PRKAR1B: variants seen among roughly 807,000 people sequenced by gnomAD.
PRKAR1B encodes the protein cAMP-dependent protein kinase type I-beta regulatory subunit.
A neutral mutation model predicts 46.5 loss-of-function variants in PRKAR1B; 22 were observed. The observed-to-expected ratio is 0.47, with a 90% confidence interval of 0.34 to 0.68. The LOEUF (loss-of-function observed/expected upper bound fraction) is 0.68. Ranked by LOEUF, PRKAR1B falls within the 30% of genes least tolerant of loss-of-function variation. The probability of loss-of-function intolerance (pLI) is 0.01; values close to 1 mark genes in which losing one functional copy is unlikely to be tolerated. For missense variants in PRKAR1B, 445 were observed against 535.6 expected (o/e 0.83, Z 1.67); for synonymous variants, 259 against 217.7 (o/e 1.19, Z -1.67).
chr7:590,224 A>T (rs12720009), intron 7 of PRKAR1B, among the ~76,000 whole-genome samples: 1 of 152,286 alleles, frequency 6.6e-6, no homozygotes, highest in Admixed American at 6.5e-5. Context: ...AAAGGGTGTG[A>T]AACCATAAGG....
At chr7:630,481 C>A (rs1029548420) in intron 4 of PRKAR1B, among the ~76,000 whole-genome samples, 1 of 152,196 alleles carries the variant, frequency 6.6e-6, no homozygotes, top group Non-Finnish European at 1.5e-5. Flanking sequence ...CAGGGGGTGG[C>A]CTATCCCATT....
At chr7:581,183 G>T (rs181891620) in intron 8 of PRKAR1B, among the ~76,000 whole-genome samples, 1 of 151,898 alleles carries the variant, frequency 6.6e-6, no homozygotes, top group Non-Finnish European at 1.5e-5. Flanking sequence ...GGCGCCTGTA[G>T]TCCCAGCTAC....
chr7:633,349 A>G (rs1296265569), intron 4 of PRKAR1B, among the ~76,000 whole-genome samples: 2 of 152,218 alleles, frequency 1.3e-5, no homozygotes, highest in Admixed American at 6.5e-5. Context: ...CCACAGGTGA[A>G]AGGAAGGGGC....
At chr7:571,235 C>T (rs1779494329) in intron 9 of PRKAR1B, among the ~76,000 whole-genome samples, 1 of 152,076 alleles carries the variant, frequency 6.6e-6, no homozygotes, top group Non-Finnish European at 1.5e-5. Flanking sequence ...CCTCGCAGCG[C>T]AGGCCGGGTC....
At chr7:561,186 TGCACACACACC>T (rs1778772843) in intron 9 of PRKAR1B, among the ~76,000 whole-genome samples, 1 of 143,014 alleles carries the variant, frequency 7.0e-6, no homozygotes, top group Non-Finnish European at 1.5e-5. Context: ...CATACACACA[TGCACACACACC>T]CCACACACAT....
rs1214785921 is a variant in PRKAR1B, at chr7:680,685, T to G, written c.219A>C (p.Ser73=). 1 of 1,613,782 alleles carries G rather than the reference T, an allele frequency of 6.2e-7. No homozygotes were observed. Among genetic ancestry groups the G allele is most frequent in the East Asian group, 2.2e-5 (1 of 44,880 alleles). The change falls in exon 3 of 11, where the codon TCA becomes TCC. Residue 73 remains serine, a synonymous_variant. Transcript: ENST00000537384. The stretch of plus-strand genomic sequence containing the variant: ...CCTCCTCATCATGGGAGTCCGACTG[T>G]GAGTTTGACTTTTGCCGCGCCAAAA... ...RQILARQKSN[S]QSDSHDEEVS... is the part of the protein sequence containing the mutation.
chr7:727,363 C>G (rs1781370079), upstream of PRKAR1B: 9 of 1,062,672 alleles, frequency 8.5e-6, no homozygotes, highest in Non-Finnish European at 9.5e-6. Context: ...CACTCTCACC[C>G]CCACCTCCAC....
chr7:725,185 G>A (rs1204635954), intron 1 of PRKAR1B, among the ~76,000 whole-genome samples: 4 of 151,206 alleles, frequency 2.6e-5, no homozygotes, highest in Non-Finnish European at 5.9e-5. Flanking sequence ...CTGCACTCCA[G>A]GCTGGGCGAC....
intron 5 of PRKAR1B, 139 bp downstream of exon 5, chr7:607,252 G>C (rs1258733764): frequency 4.3e-6 from 3 of 694,308 alleles, no homozygotes; most frequent in Non-Finnish European, 7.1e-6. Context: ...GACCTCAGGT[G>C]ATCTGCCCAC....
rs763352779 is a variant in PRKAR1B at position 711,397 on chromosome 7, G to T, written c.109C>A (p.His37Asn). The stretch of plus-strand genomic sequence containing the variant: ...CGTTCGGGCTTGGAGATGCAGAGGT[G>T]GACGATACAGTCTTTGAGGACCTGC... ...IQQVLKDCIV[H>N]LCISKPERPM... The change falls in exon 2 of 11, where the codon CAC (histidine) becomes AAC (asparagine). Residue 37 changes from histidine to asparagine, a missense_variant. His to Asn is a moderately conservative substitution (Grantham distance 68, BLOSUM62 1). This residue lies in a region of PRKAR1B where 155 missense variants were observed against 127.5 expected (regional missense o/e 1.22). Transcript: ENST00000537384. 1 of 1,614,228 alleles carries T rather than the reference G, an allele frequency of 6.2e-7. No individual in the cohort carries two copies. The highest frequency in any genetic ancestry group is 8.5e-7 in the Non-Finnish European group (1 of 1,180,028).
chr7:680,476 C>T (rs371484783), intron 3 of PRKAR1B, 80 bp downstream of exon 3: 308 of 1,388,814 alleles, frequency 2.2e-4, no homozygotes, highest in East Asian at 6.7e-4. Context: ...GAGGGTGCCC[C>T]GTGGGCTTCC....
intron 4 of PRKAR1B, among the ~76,000 whole-genome samples, chr7:649,634 G>A (rs933257270): frequency 3.9e-5 from 6 of 152,070 alleles, no homozygotes; most frequent in African/African-American, 1.4e-4. Context: ...CTGGATTGCA[G>A]TGACGACCCT....
At chr7:609,277 A>G (rs1782337863) in intron 4 of PRKAR1B, among the ~76,000 whole-genome samples, 1 of 152,226 alleles carries the variant, frequency 6.6e-6, no homozygotes, top group Non-Finnish European at 1.5e-5. Flanking sequence ...TCTCAGAATG[A>G]ACAGACCTTT....
intron 4 of PRKAR1B, among the ~76,000 whole-genome samples, chr7:638,430 C>T (rs1583339154): frequency 6.6e-6 from 1 of 152,232 alleles, no homozygotes; most frequent in East Asian, 1.9e-4. Context: ...CAGGTGAAGT[C>T]GGCTCAGCAA....
chr7:682,726 G>A (rs1263233474), intron 2 of PRKAR1B, among the ~76,000 whole-genome samples: 1 of 151,026 alleles, frequency 6.6e-6, no homozygotes. Flanking sequence ...CTGGATGACA[G>A]AGCGAGACTC....
intron 2 of PRKAR1B, among the ~76,000 whole-genome samples, chr7:702,818 C>T (rs1018484293): frequency 4.6e-5 from 7 of 151,192 alleles, no homozygotes; most frequent in South Asian, 2.1e-4. Flanking sequence ...GGCAAGACTC[C>T]GTCTCAAAAA....
chr7:576,590 A>C (rs547978790), intron 9 of PRKAR1B, among the ~76,000 whole-genome samples: 4 of 151,914 alleles, frequency 2.6e-5, no homozygotes, highest in Non-Finnish European at 5.9e-5. Context: ...GGGAACCCCA[A>C]ATCCACCGTG....
chr7:671,465 T>C (rs1411134368), intron 4 of PRKAR1B, among the ~76,000 whole-genome samples: 3 of 152,184 alleles, frequency 2.0e-5, no homozygotes, highest in Admixed American at 2.0e-4. Flanking sequence ...TTTTTGTTTC[T>C]GCTTTTGTTT....
chr7:555,940 ACCAGATGCCCCCGCTCCGGGGACTCAG>A (rs968219611), intron 9 of PRKAR1B, among the ~76,000 whole-genome samples: 1 of 152,116 alleles, frequency 6.6e-6, no homozygotes, highest in African/African-American at 2.4e-5. Flanking sequence ...TCAATGCATG[ACCAGATGCCCCCGCTCCGGGGACTCAG>A]CCAGGTACAA....
Sources: allele counts gnomAD v4.1 joint callset (sites outside exome capture counted in the v4.1 genomes callset), GRCh38; gene constraint gnomAD v4.1.1; regional missense constraint gnomAD v4.1.1; transcripts MANE v1.5; gene names NCBI Gene and HGNC (gene_info 2026-07-23, HGNC 2026-07-21).